Variants in ISG20 observed in about 807,000 individuals in gnomAD.
ISG20 encodes the protein interferon-stimulated gene 20 kDa protein.
ISG20 carries 8 observed loss-of-function variants against 11.1 expected under a neutral mutation model. The ratio of observed to expected loss-of-function variants is 0.72; its 90% CI spans 0.42 to 1.30. The LOEUF is 1.30. ISG20 is among the 50% of genes most tolerant of loss of function. The pLI, the probability that ISG20 is intolerant of heterozygous loss-of-function variation, is 0.01. For synonymous variants in ISG20, 110 were observed against 101.7 expected (o/e 1.08, Z -0.49); for missense variants, 243 against 250.2 (o/e 0.97, Z 0.19).
chr15:88,648,370 G>A (rs2058214444), intron 2 of ISG20: 1 of 152,274 alleles, frequency 6.6e-6, no homozygotes, highest in Non-Finnish European at 1.5e-5. Flanking sequence ...GGTCTGTGTA[G>A]GGCCTGGCCC....
At chr15:88,641,867 C>A (rs906019895) in intron 2 of ISG20, among the ~76,000 whole-genome samples, 1 of 151,210 alleles carries the variant, frequency 6.6e-6, no homozygotes. Context: ...ATCCGCCTGC[C>A]TTGGCCTCCC....
chr15:88,653,193 T>C (rs1023057165), intron 3 of ISG20, among the ~76,000 whole-genome samples: 1 of 151,884 alleles, frequency 6.6e-6, no homozygotes, highest in Non-Finnish European at 1.5e-5. Context: ...CCCTGAGCTC[T>C]TGGTTGGTTG....
At chr15:88,651,273 C>T (rs1362770807) in intron 2 of ISG20, 4 of 985,356 alleles carry the variant, frequency 4.1e-6, no homozygotes, top group Admixed American at 6.1e-5. Flanking sequence ...CAGTTAAATG[C>T]AGTGCTCCCT....
In ISG20 at chr15:88,650,539, G is replaced by A; in HGVS notation, c.229-1571G>A. The A allele has an allele frequency of 1.7e-6, 2 of 1,202,102 alleles. No homozygotes were observed. The highest frequency in any genetic ancestry group is 2.2e-6 in the Non-Finnish European group (2 of 904,178). 74.5% of individuals were successfully genotyped at this position (1,202,102 alleles called of 1,614,324 possible). A position where few individuals can be genotyped will look rare whatever the true frequency, so the allele number is the denominator to read the frequency against. On this transcript the variant is annotated intron_variant, in intron 2 of 3. Coordinates refer to ENST00000306072, the MANE Select transcript of ISG20 (RefSeq NM_002201.6). The surrounding 1 kb of genome is among the most constrained non-coding windows in gnomAD (Gnocchi z 4.0). ...TGGCAAATCACACCAAAACTTACCG[G>A]TTCAAACAATGTCAATACTTATTTC...
chr15:88,655,643 C>G lies in ISG20; in HGVS notation c.*112C>G. 1.4e-6 allele frequency: 1 copy of G among 690,790 alleles called. No individual in the cohort carries two copies. The highest frequency in any genetic ancestry group is 2.7e-5 in the East Asian group (1 of 37,388). The allele number at this position is 690,790 out of a possible 1,614,324, so 42.8% of individuals were successfully genotyped here. A position where few individuals can be genotyped will look rare whatever the true frequency, so the allele number is the denominator to read the frequency against. On this transcript the variant is annotated 3_prime_UTR_variant, in exon 4 of 4. Transcript: ENST00000306072. ...ATAGTAAAGTGGCTCTATATTTTCT[C>G]TACGCCATCACTGGGTCCTCTTCTT...
upstream of ISG20, among the ~76,000 whole-genome samples, chr15:88,637,598 C>T (rs764740443): frequency 3.9e-5 from 6 of 151,970 alleles, no homozygotes; most frequent in Non-Finnish European, 5.9e-5. Context: ...TCAGGTGAGA[C>T]AGAGCAGGCA....
chr15:88,644,791 G>C (rs2058142894), intron 2 of ISG20, among the ~76,000 whole-genome samples: 1 of 152,092 alleles, frequency 6.6e-6, no homozygotes, highest in Non-Finnish European at 1.5e-5. Flanking sequence ...AGTCAGGGTG[G>C]GCAGTATGTC....
Position 88,639,580 on chromosome 15 carries a change from G to A in ISG20, c.214G>A (p.Val72Met), listed in dbSNP as rs754754288. Residue 72 changes from valine (V) to methionine (M), a missense_variant, in exon 2 of 4, where the codon GTG (valine) becomes ATG (methionine). Transcript: ENST00000306072. This position sits in a 1 kb window ranked among gnomAD's most constrained non-coding sequence, Gnocchi z 4.2. ...CATGGTGGGGGCCACACCATTTGCC[G>A]TGGCCAGGCTAGAGGTGAGTGAAGG... ...QHMVGATPFA[V>M]ARLEILQLLK... is the part of the protein sequence containing the mutation. 1.1e-5 allele frequency: 17 copies of A among 1,614,056 alleles called. No individual in the cohort carries two copies. Among genetic ancestry groups the A allele is most frequent in the Admixed American group, 3.3e-5 (2 of 60,028 alleles).
intron 2 of ISG20, among the ~76,000 whole-genome samples, chr15:88,642,990 A>C (rs1051386430): frequency 6.6e-6 from 1 of 152,044 alleles, no homozygotes; most frequent in Non-Finnish European, 1.5e-5. Context: ...TTGGGAGGCC[A>C]GTGCAGAAGG....
At chr15:88,638,253 T>C (rs377484035), upstream of ISG20, among the ~76,000 whole-genome samples, 1 of 152,188 alleles carries the variant, frequency 6.6e-6, no homozygotes, top group South Asian at 2.1e-4. Flanking sequence ...TCATTGAAAG[T>C]TGATTTTCTT....
chr15:88,644,201 TACC>T (rs2058129283), intron 2 of ISG20, among the ~76,000 whole-genome samples: 1 of 152,080 alleles, frequency 6.6e-6, no homozygotes, highest in Non-Finnish European at 1.5e-5. Context: ...AGAATGGGAA[TACC>T]ATGCAGGATA....
At chr15:88,637,211 C>A (rs1394352797), upstream of ISG20, among the ~76,000 whole-genome samples, 3 of 152,066 alleles carry the variant, frequency 2.0e-5, no homozygotes, top group Non-Finnish European at 4.4e-5. Context: ...TAAACCAAAG[C>A]CCTGGATGTG....
In ISG20 at chr15:88,643,150, G is replaced by C. The variant is rs1175842400; in HGVS notation, c.228+3556G>C. On this transcript the variant is annotated intron_variant, in intron 2 of 3. Coordinates refer to ENST00000306072, the MANE Select transcript of ISG20 (RefSeq NM_002201.6). This position sits in a 1 kb window ranked among gnomAD's most constrained non-coding sequence, Gnocchi z 4.4. ...CTCGAGGAGGCTGAGGTGAAGTATT[G>C]CTTGAGCCCAGGAGTTTGAGGCTGT... Among the ~76,000 whole-genome samples, 2 of 152,050 alleles carry C rather than the reference G, an allele frequency of 1.3e-5. No individual in the cohort carries two copies. Among genetic ancestry groups the C allele is most frequent in the African/African-American group, 4.8e-5 (2 of 41,418 alleles).
Position 88,650,381 on chromosome 15 carries a change from G to A in ISG20, c.229-1729G>A. The A allele has an allele frequency of 6.5e-7, 1 of 1,529,930 alleles. No homozygotes were observed. Among genetic ancestry groups the A allele is most frequent in the Admixed American group, 2.0e-5 (1 of 50,734 alleles). The allele number at this position is 1,529,930 out of a possible 1,614,324, so 94.8% of individuals were successfully genotyped here. On this transcript the variant is annotated intron_variant, in intron 2 of 3. Coordinates refer to ENST00000306072, the MANE Select transcript of ISG20 (RefSeq NM_002201.6). This position sits in a 1 kb window ranked among gnomAD's most constrained non-coding sequence, Gnocchi z 4.0. ...ACAGCTGGGCGCCTGGGCTGCTGGA[G>A]GCCTGGAGTGGTCGTTCACTCTTCT...
At position 88,652,308 on chromosome 15, in the gene ISG20, C is replaced by G; in HGVS notation, c.427C>G (p.Gln143Glu). The change falls in exon 3 of 4, where the codon CAG becomes GAG. Residue 143 changes from glutamine (Q) to glutamate (E), a missense_variant and splice_region_variant. Coordinates refer to ENST00000306072, the MANE Select transcript of ISG20 (RefSeq NM_002201.6). ...LSERLLHKSI[Q>E]NSLLGHSSVE... is the part of the protein sequence containing the mutation. ...TGAGCGCCTCCTACACAAGAGCATC[C>G]AGGTGAGAACCTCCTCGTCCTTCTC... 3 of 1,611,360 alleles carry G rather than the reference C, an allele frequency of 1.9e-6. No individual in the cohort carries two copies. Among genetic ancestry groups the G allele is most frequent in the Non-Finnish European group, 2.5e-6 (3 of 1,178,478 alleles).
In ISG20 at chr15:88,650,541, T is replaced by G; in HGVS notation, c.229-1569T>G. On this transcript the variant is annotated intron_variant, in intron 2 of 3. Transcript: ENST00000306072. The surrounding 1 kb of genome is among the most constrained non-coding windows in gnomAD (Gnocchi z 4.0). ...GCAAATCACACCAAAACTTACCGGT[T>G]CAAACAATGTCAATACTTATTTCGC... is the stretch of plus-strand genomic sequence containing the variant. 1.8e-6 allele frequency: 2 copies of G among 1,139,280 alleles called. No homozygotes were observed. Among genetic ancestry groups the G allele is most frequent in the Non-Finnish European group, 2.4e-6 (2 of 849,906 alleles). 70.6% of individuals were successfully genotyped at this position (1,139,280 alleles called of 1,614,324 possible). A position where few individuals can be genotyped will look rare whatever the true frequency, so the allele number is the denominator to read the frequency against.
At chr15:88,652,377 C>G in intron 3 of ISG20, 67 bp downstream of exon 3, 1 of 586,978 alleles carries the variant, frequency 1.7e-6, no homozygotes, top group East Asian at 4.3e-5. Flanking sequence ...CCTCACCCAT[C>G]TCCATTTCCT....
At chr15:88,645,601 A>G (rs2058158746) in intron 2 of ISG20, among the ~76,000 whole-genome samples, 1 of 151,988 alleles carries the variant, frequency 6.6e-6, no homozygotes, top group Non-Finnish European at 1.5e-5. Context: ...CAGGCTCTCC[A>G]AACCCCTATC....
rs1485544538 is a variant in ISG20, at chr15:88,652,205, C to T, written c.324C>T (p.Tyr108=). 1.1e-5 allele frequency: 17 copies of T among 1,613,952 alleles called. No homozygotes were observed. Among genetic ancestry groups the T allele is most frequent in the African/African-American group, 4.0e-5 (3 of 74,918 alleles). ...LKEDMSGYTI[Y]DTSTDRLLWR... ...AGGACATGAGCGGCTACACAATCTA[C>T]GACACGTCCACTGACAGGCTGTTGT... The change falls in exon 3 of 4, where the codon TAC becomes TAT. Residue 108 remains tyrosine, a synonymous_variant. Coordinates refer to ENST00000306072, the MANE Select transcript of ISG20 (RefSeq NM_002201.6).
Sources: gnomAD v4.1 joint callset for allele counts (sites outside exome capture counted in the v4.1 genomes callset) on GRCh38, gnomAD v4.1.1 for gene constraint, Gnocchi (gnomAD v3.1) non-coding constraint, MANE v1.5 for transcripts, NCBI Gene and HGNC (gene_info 2026-07-23, HGNC 2026-07-21) for gene names.